ZFAND3: variants seen among roughly 807,000 people sequenced by gnomAD.
ZFAND3 encodes the protein zinc finger AN1-type containing 3, also known as AN1-type zinc finger protein 3.
A neutral mutation model predicts 29.6 loss-of-function variants in ZFAND3; 10 were observed. The ratio of observed to expected loss-of-function variants is 0.34; its 90% CI spans 0.21 to 0.57. The LOEUF (loss-of-function observed/expected upper bound fraction) is 0.57. Ranked by LOEUF, ZFAND3 falls within the 20% of genes least tolerant of loss-of-function variation. The pLI, the probability that ZFAND3 is intolerant of heterozygous loss-of-function variation, is 0.86. For missense variants in ZFAND3, 230 were observed against 304.5 expected (o/e 0.76, Z 1.82); for synonymous variants, 128 against 112.6 (o/e 1.14, Z -0.87).
At chr6:37,919,836 T>C (rs1761339370) in intron 1 of ZFAND3, among the ~76,000 whole-genome samples, 1 of 152,202 alleles carries the variant, frequency 6.6e-6, no homozygotes, top group Non-Finnish European at 1.5e-5. Context: ...TGACAAAGTA[T>C]CCAATATTAG....
chr6:38,115,539 A>C (rs1435326067), intron 4 of ZFAND3, among the ~76,000 whole-genome samples: 1 of 152,194 alleles, frequency 6.6e-6, no homozygotes, highest in Non-Finnish European at 1.5e-5. Flanking sequence ...CTCTTGTAGT[A>C]GGCTTGATGA....
At chr6:37,993,669 A>G (rs1762799739) in intron 2 of ZFAND3, among the ~76,000 whole-genome samples, 2 of 152,138 alleles carry the variant, frequency 1.3e-5, no homozygotes, top group South Asian at 4.1e-4. Flanking sequence ...AATTATTGAT[A>G]ACATGAACTG....
At chr6:38,046,227 C>G (rs972129118) in intron 2 of ZFAND3, among the ~76,000 whole-genome samples, 1 of 152,098 alleles carries the variant, frequency 6.6e-6, no homozygotes, top group African/African-American at 2.4e-5. Flanking sequence ...ATAAGACTTC[C>G]TATTGAGCTG....
intron 2 of ZFAND3, among the ~76,000 whole-genome samples, chr6:38,033,127 C>T (rs897659499): frequency 2.6e-5 from 4 of 152,136 alleles, no homozygotes; most frequent in African/African-American, 9.7e-5. Flanking sequence ...TGCAAGTAAA[C>T]TCTTATCCAA....
At chr6:37,953,819 C>T (rs1762041693) in intron 2 of ZFAND3, among the ~76,000 whole-genome samples, 2 of 152,168 alleles carry the variant, frequency 1.3e-5, no homozygotes, top group South Asian at 4.1e-4. Flanking sequence ...ATTTAATAAC[C>T]GTTTCTGCTG....
At chr6:37,828,687 C>T (rs921687058) in intron 1 of ZFAND3, among the ~76,000 whole-genome samples, 5 of 150,540 alleles carry the variant, frequency 3.3e-5, no homozygotes, top group Non-Finnish European at 5.9e-5. Context: ...CTCGCTGTGT[C>T]GCCCAGGCTG....
At chr6:37,880,717 TCACA>T (rs1764876952) in intron 1 of ZFAND3, among the ~76,000 whole-genome samples, 1 of 151,924 alleles carries the variant, frequency 6.6e-6, no homozygotes, top group Non-Finnish European at 1.5e-5. Context: ...TAGTTCTGAA[TCACA>T]AATGATTGTG....
At chr6:38,028,366 A>G (rs891320805) in intron 2 of ZFAND3, among the ~76,000 whole-genome samples, 2 of 152,188 alleles carry the variant, frequency 1.3e-5, no homozygotes, top group Non-Finnish European at 2.9e-5. Context: ...TTTTAGATAC[A>G]CATTACACCA....
At chr6:37,914,291 C>CT (rs1761190571) in intron 1 of ZFAND3, among the ~76,000 whole-genome samples, 1 of 152,174 alleles carries the variant, frequency 6.6e-6, no homozygotes, top group East Asian at 1.9e-4. Context: ...GATGTGCTAT[C>CT]TTCCAGACCC....
chr6:37,970,706 G>A (rs966690320), intron 2 of ZFAND3, among the ~76,000 whole-genome samples: 18 of 151,792 alleles, frequency 1.2e-4, no homozygotes, highest in East Asian at 5.8e-4. Flanking sequence ...GATCGAGACG[G>A]TCCTGGCTAA....
chr6:38,025,825 A>G (rs1239902054), intron 2 of ZFAND3, among the ~76,000 whole-genome samples: 1 of 152,242 alleles, frequency 6.6e-6, no homozygotes, highest in East Asian at 1.9e-4. Context: ...AGGCAGATCT[A>G]CAGGGACAGA....
chr6:37,904,368 A>G (rs1377410886), intron 1 of ZFAND3, among the ~76,000 whole-genome samples: 1 of 152,174 alleles, frequency 6.6e-6, no homozygotes, highest in Admixed American at 6.5e-5. Flanking sequence ...GCCCAGGGTA[A>G]ATTTAACATG....
At chr6:37,968,427 C>A (rs996817319) in intron 2 of ZFAND3, among the ~76,000 whole-genome samples, 1 of 151,000 alleles carries the variant, frequency 6.6e-6, no homozygotes, top group Admixed American at 6.6e-5. Flanking sequence ...GGGTGAAAAA[C>A]CAGACCACCT....
chr6:37,976,986 C>T (rs975837596), intron 2 of ZFAND3, among the ~76,000 whole-genome samples: 1 of 152,168 alleles, frequency 6.6e-6, no homozygotes, highest in African/African-American at 2.4e-5. Context: ...ACTTCTTTCT[C>T]TCCACTTTAG....
rs1763493019 is a variant in ZFAND3, at chr6:38,028,624, A to AC, written c.113-32967dup. Among the ~76,000 whole-genome samples, 6 of 152,026 alleles carry AC rather than the reference A, an allele frequency of 3.9e-5. No homozygotes were observed. In the South Asian group the frequency reaches 1.0e-3, roughly 26 times the overall value. On this transcript the variant is annotated intron_variant, in intron 2 of 5. Coordinates refer to ENST00000287218, the MANE Select transcript of ZFAND3 (RefSeq NM_021943.3). ...TCCCATTGCGACTAAAGTCTGCCTG[A>AC]CCTAGGGTACTATTGTAGTAAAGAA...
rs1213067308 is a variant in ZFAND3 at position 37,977,770 on chromosome 6, G to GTTTTT, written c.112+47773_112+47777dup. Among the ~76,000 whole-genome samples the GTTTTT allele has an allele frequency of 1.8e-5, 2 of 108,862 alleles. 1 individual carries two copies. 71.4% of individuals were successfully genotyped at this position (108,862 alleles called of 152,430 possible). On this transcript the variant is annotated intron_variant, in intron 2 of 5. Transcript: ENST00000287218. The stretch of plus-strand genomic sequence containing the variant: ...CCCCCTTTTATTTCTGGTTTGCTGA[G>GTTTTT]TTTTTTGTTTTTTTTTTTTTTCAAA...
intron 2 of ZFAND3, among the ~76,000 whole-genome samples, chr6:38,017,085 G>T (rs1174685112): frequency 6.6e-6 from 1 of 152,196 alleles, no homozygotes; most frequent in Non-Finnish European, 1.5e-5. Flanking sequence ...CATTTTAAAA[G>T]TTCTCCCCAG....
intron 5 of ZFAND3, among the ~76,000 whole-genome samples, chr6:38,118,309 C>T (rs1334919467): frequency 1.3e-5 from 2 of 152,180 alleles, no homozygotes; most frequent in Non-Finnish European, 2.9e-5. Flanking sequence ...ACCAGCTTCG[C>T]TCCACTCTGC....
intron 2 of ZFAND3, among the ~76,000 whole-genome samples, chr6:37,976,140 G>C (rs74814349): frequency 1.3e-5 from 2 of 152,172 alleles, no homozygotes; most frequent in African/African-American, 4.8e-5. Flanking sequence ...ACTTTAAAGG[G>C]TATTTAACCT....
Sources: gnomAD v4.1 joint callset for allele counts (sites outside exome capture counted in the v4.1 genomes callset) on GRCh38, gnomAD v4.1.1 for gene constraint, MANE v1.5 for transcripts, NCBI Gene and HGNC (gene_info 2026-07-23, HGNC 2026-07-21) for gene names.